The following MEIKIN variants were observed in gnomAD, a reference collection of about 807,000 sequenced individuals.
The protein encoded by MEIKIN is meiotic kinetochore factor, also known as meiosis-specific kinetochore protein.
chr5:131,901,766 A>G (rs1260262439), intron 8 of MEIKIN, among the ~76,000 whole-genome samples: 1 of 152,066 alleles, frequency 6.6e-6, no homozygotes, highest in East Asian at 1.9e-4. Flanking sequence ...CAGAAACAAA[A>G]CCAGTTGACT....
chr5:131,873,737 G>A (rs1050199507), intron 9 of MEIKIN, among the ~76,000 whole-genome samples: 1 of 152,108 alleles, frequency 6.6e-6, no homozygotes, highest in Non-Finnish European at 1.5e-5. Context: ...TGAACACATA[G>A]TTGGAAGTAA....
intron 7 of MEIKIN, among the ~76,000 whole-genome samples, chr5:131,914,345 C>T (rs1283562887): frequency 6.9e-6 from 1 of 144,894 alleles, no homozygotes; most frequent in African/African-American, 2.6e-5. Context: ...GATGGTGCCA[C>T]CGCACTCCAG....
chr5:131,917,647 T>C (rs746794229), intron 6 of MEIKIN, among the ~76,000 whole-genome samples: 11 of 151,948 alleles, frequency 7.2e-5, no homozygotes, highest in South Asian at 4.2e-4. Context: ...TACTAATAGA[T>C]TGATTAGTCA....
intron 8 of MEIKIN, among the ~76,000 whole-genome samples, chr5:131,883,637 G>A (rs1380711729): frequency 1.3e-5 from 2 of 152,208 alleles, no homozygotes; most frequent in Admixed American, 6.5e-5. Flanking sequence ...ACTGATCATT[G>A]CCCCTGCAAG....
intron 9 of MEIKIN, among the ~76,000 whole-genome samples, chr5:131,862,455 CATTATT>C (rs1316319352): frequency 6.6e-6 from 1 of 151,968 alleles, no homozygotes; most frequent in African/African-American, 2.4e-5. Context: ...CTGCTCTGAT[CATTATT>C]ATTTTCTTCT....
intron 10 of MEIKIN, among the ~76,000 whole-genome samples, chr5:131,852,159 C>T (rs991431545): frequency 1.3e-5 from 2 of 152,054 alleles, no homozygotes; most frequent in African/African-American, 2.4e-5. Flanking sequence ...ATTGTAATCC[C>T]CATAATCCCC....
At chr5:131,944,047 CAGTCAGTG>C (rs1401518791) in intron 3 of MEIKIN, among the ~76,000 whole-genome samples, 1 of 149,432 alleles carries the variant, frequency 6.7e-6, no homozygotes, top group East Asian at 2.0e-4. Flanking sequence ...GCAGAAGCTG[CAGTCAGTG>C]AGCCAGGACT....
intron 9 of MEIKIN, among the ~76,000 whole-genome samples, chr5:131,855,543 G>C (rs757843377): frequency 6.6e-6 from 1 of 151,408 alleles, no homozygotes; most frequent in African/African-American, 2.4e-5. Flanking sequence ...GAGGGAGGAA[G>C]GGAGAAGAGG....
intron 9 of MEIKIN, among the ~76,000 whole-genome samples, chr5:131,856,976 C>CT (rs1004436287): frequency 1.5e-3 from 226 of 148,816 alleles, no homozygotes; most frequent in African/African-American, 5.3e-3. Flanking sequence ...TTTTATTATA[C>CT]TTTAAGTTTT....
chr5:131,812,240 T>G (rs1772971748), intron 12 of MEIKIN, among the ~76,000 whole-genome samples: 1 of 152,210 alleles, frequency 6.6e-6, no homozygotes, highest in Non-Finnish European at 1.5e-5. Flanking sequence ...TGCATATAAC[T>G]TTATATTGTT....
intron 9 of MEIKIN, among the ~76,000 whole-genome samples, chr5:131,877,079 C>A (rs1315553754): frequency 1.3e-5 from 2 of 151,648 alleles, no homozygotes; most frequent in African/African-American, 2.4e-5. Flanking sequence ...GCACACCAAC[C>A]TGGCACATGT....
At chr5:131,926,976 A>AT (rs1751597325) in intron 5 of MEIKIN, among the ~76,000 whole-genome samples, 1 of 149,128 alleles carries the variant, frequency 6.7e-6, no homozygotes, top group South Asian at 2.1e-4. Flanking sequence ...ATTTCTTTCT[A>AT]TTTTTTTCAA....
intron 11 of MEIKIN, among the ~76,000 whole-genome samples, chr5:131,829,497 G>A (rs951256297): frequency 6.6e-6 from 1 of 152,180 alleles, no homozygotes; most frequent in Non-Finnish European, 1.5e-5. Flanking sequence ...AATGCTCTAG[G>A]AGAGACTTCC....
chr5:131,932,970 CT>C (rs1356889745), intron 5 of MEIKIN, among the ~76,000 whole-genome samples: 2 of 152,052 alleles, frequency 1.3e-5, no homozygotes, highest in Non-Finnish European at 2.9e-5. Flanking sequence ...TTTGTACTTT[CT>C]TTTTTTCAAT....
At chr5:131,822,049 C>A (rs1363475760) in intron 11 of MEIKIN, among the ~76,000 whole-genome samples, 1 of 152,156 alleles carries the variant, frequency 6.6e-6, no homozygotes, top group African/African-American at 2.4e-5. Context: ...TAATAACCTG[C>A]TTTGTCTTTT....
At chr5:131,918,014 C>T (rs998987672) in intron 6 of MEIKIN, among the ~76,000 whole-genome samples, 1 of 152,158 alleles carries the variant, frequency 6.6e-6, no homozygotes, top group Admixed American at 6.5e-5. Context: ...GACAAAGTGA[C>T]TGGTTCAGGG....
At chr5:131,864,226 ACT>A (rs1750343858) in intron 9 of MEIKIN, among the ~76,000 whole-genome samples, 1 of 150,042 alleles carries the variant, frequency 6.7e-6, no homozygotes, top group Admixed American at 6.6e-5. Context: ...TGATCTGTAC[ACT>A]CTTTGTTCCT....
intron 4 of MEIKIN, among the ~76,000 whole-genome samples, chr5:131,934,160 A>G: frequency 6.6e-6 from 1 of 150,858 alleles, no homozygotes; most frequent in East Asian, 1.9e-4. Flanking sequence ...ACGGGGTTTT[A>G]CCATGTTGGC....
At chr5:131,916,089 T>C (rs1224971539) in intron 7 of MEIKIN, among the ~76,000 whole-genome samples, 1 of 152,228 alleles carries the variant, frequency 6.6e-6, no homozygotes, top group African/African-American at 2.4e-5. Context: ...GAATGCCAGA[T>C]GTCTAGTAGA....
Sources: gnomAD v4.1 joint callset for allele counts (sites outside exome capture counted in the v4.1 genomes callset) on GRCh38, gnomAD v4.1.1 for gene constraint, MANE v1.5 for transcripts, NCBI Gene and HGNC (gene_info 2026-07-23, HGNC 2026-07-21) for gene names.